DGKG: variants seen among roughly 807,000 people sequenced by gnomAD.
DGKG encodes diacylglycerol kinase gamma.
DGKG carries 78 observed loss-of-function variants against 105.3 expected under a neutral mutation model. That is an observed-to-expected ratio of 0.74 (90% CI 0.62 to 0.89). The LOEUF (loss-of-function observed/expected upper bound fraction) is 0.89, where lower values mean the gene tolerates loss of function less well. Among genes scored for constraint, DGKG ranks in the 40% least tolerant of loss-of-function variants. The pLI is 0.00. For missense variants in DGKG, 958 were observed against 1,020.1 expected (o/e 0.94, Z 0.83); for synonymous variants, 346 against 367.1 (o/e 0.94, Z 0.66).
chr3:186,178,685 C>A lies in DGKG; in HGVS notation c.2095+9517G>T, dbSNP rs146137841. Reference sequence around the variant, plus strand: ...GAGTGGGAGAGGGGAGGAGACACAGCTGGAGTCAGAGTCTTCTTCATTCAG... The same window carrying A: ...GAGTGGGAGAGGGGAGGAGACACAGATGGAGTCAGAGTCTTCTTCATTCAG... On this transcript the variant is annotated intron_variant, in intron 22 of 24. Coordinates refer to ENST00000265022, the MANE Select transcript of DGKG (RefSeq NM_001346.3). Among the ~76,000 whole-genome samples the A allele has an allele frequency of 3.6e-3, 552 of 152,336 alleles. 4 individuals carry two copies. The Middle Eastern group carries it at 0.068, about 19-fold the overall frequency.
chr3:186,226,124 A>G lies in DGKG; in HGVS notation c.1827-14239T>C, dbSNP rs1480361299. On this transcript the variant is annotated intron_variant, in intron 20 of 24. Transcript: ENST00000265022. This position sits in a 1 kb window ranked among gnomAD's most constrained non-coding sequence, Gnocchi z 4.2. ...TGAACTTGACTCTAACTACTAGAAA[A>G]GTAGCCTAAGCTCACATTTACCTTT... Among the ~76,000 whole-genome samples the G allele has an allele frequency of 6.6e-6, 1 of 152,216 alleles. No homozygotes were observed. Among genetic ancestry groups the G allele is most frequent in the Non-Finnish European group, 1.5e-5 (1 of 68,046 alleles).
At chr3:186,206,902 A>G (rs917455733) in intron 21 of DGKG, among the ~76,000 whole-genome samples, 3 of 152,118 alleles carry the variant, frequency 2.0e-5, no homozygotes, top group African/African-American at 7.2e-5. Context: ...GGCATGTGCC[A>G]CCACACCCAG....
rs142656619 is a variant in DGKG, at chr3:186,313,159, T to C, written c.68-6182A>G. Among the ~76,000 whole-genome samples the C allele has an allele frequency of 3.8e-3, 575 of 152,300 alleles. 3 individuals carry two copies. Among genetic ancestry groups the C allele is most frequent in the Non-Finnish European group, 6.7e-3 (454 of 68,026 alleles). ...CTTGCAGGGCTTTAAAAAATACTGA[T>C]GCCCAGGCCCCTTGCCTACAAACTG... is the stretch of plus-strand genomic sequence containing the variant. On this transcript the variant is annotated intron_variant, in intron 2 of 24. Transcript: ENST00000265022.
rs1721496142 is a variant in DGKG, at chr3:186,256,742, C to T, written c.1510+1112G>A. Among the ~76,000 whole-genome samples, 4 of 152,228 alleles carry T rather than the reference C, an allele frequency of 2.6e-5. No homozygotes were observed. The South Asian group carries it at 8.3e-4, about 32-fold the overall frequency. ...TGCTGGCCTGCCTCCAGCAGCCTGG[C>T]CTGCTCCCACTGCAGGGCCTTCGTC... On this transcript the variant is annotated intron_variant, in intron 17 of 24. Transcript: ENST00000265022.
At position 186,210,448 on chromosome 3, in the gene DGKG, C is replaced by T. The variant is rs1483508447; in HGVS notation, c.1917+1347G>A. 1.3e-5 allele frequency among the ~76,000 whole-genome samples: 2 copies of T among 152,256 alleles called. No homozygotes were observed. The highest frequency in any genetic ancestry group is 4.8e-5 in the African/African-American group (2 of 41,476). ...CCACCTGGGGACACACAACCTGGCG[C>T]CTGGCCTCTCTGCCCTCTTACCAAG... is the stretch of plus-strand genomic sequence containing the variant. On this transcript the variant is annotated intron_variant, in intron 21 of 24. Coordinates refer to ENST00000265022, the MANE Select transcript of DGKG (RefSeq NM_001346.3). This position sits in a 1 kb window ranked among gnomAD's most constrained non-coding sequence, Gnocchi z 5.2.
chr3:186,184,839 A>G (rs1474932433), intron 22 of DGKG, among the ~76,000 whole-genome samples: 1 of 152,150 alleles, frequency 6.6e-6, no homozygotes, highest in African/African-American at 2.4e-5. Flanking sequence ...AAGAATCGCA[A>G]CACATGAAGA....
At chr3:186,262,124 C>T (rs755743554) in intron 14 of DGKG, among the ~76,000 whole-genome samples, 4 of 152,108 alleles carry the variant, frequency 2.6e-5, no homozygotes, top group African/African-American at 4.8e-5. Context: ...AAAGCACGGC[C>T]GTCTGATCAT....
chr3:186,242,976 T>G (rs1720761071), intron 19 of DGKG, among the ~76,000 whole-genome samples: 1 of 152,142 alleles, frequency 6.6e-6, no homozygotes, highest in Admixed American at 6.5e-5. Context: ...ATACTAGTTC[T>G]TTTTAAAATA....
At chr3:186,334,921 G>C (rs920596652) in intron 1 of DGKG, among the ~76,000 whole-genome samples, 1 of 152,120 alleles carries the variant, frequency 6.6e-6, no homozygotes, top group Non-Finnish European at 1.5e-5. Context: ...TTTAAACATT[G>C]TCATTTGAAT....
intron 20 of DGKG, among the ~76,000 whole-genome samples, chr3:186,242,059 G>A (rs370599116): frequency 6.6e-6 from 1 of 152,068 alleles, no homozygotes; most frequent in Non-Finnish European, 1.5e-5. Context: ...TCCAAGTCCC[G>A]GAGCTGCCAC....
intron 21 of DGKG, among the ~76,000 whole-genome samples, chr3:186,195,573 T>C (rs879287285): frequency 2.6e-5 from 4 of 152,208 alleles, no homozygotes; most frequent in Non-Finnish European, 5.9e-5. Context: ...TGAATGTGCA[T>C]GCAGATCACT....
intron 20 of DGKG, among the ~76,000 whole-genome samples, chr3:186,236,503 C>G (rs1720426818): frequency 6.6e-6 from 1 of 152,136 alleles, no homozygotes; most frequent in Admixed American, 6.5e-5. Flanking sequence ...ATTAACTTGC[C>G]CAAGGTCACA....
intron 17 of DGKG, among the ~76,000 whole-genome samples, chr3:186,255,114 A>C (rs1299618014): frequency 6.6e-6 from 1 of 151,944 alleles, no homozygotes; most frequent in Non-Finnish European, 1.5e-5. Context: ...ATCTCTTTGT[A>C]CTCTCTTGTA....
At chr3:186,160,828 A>G in intron 24 of DGKG, 6 of 985,410 alleles carry the variant, frequency 6.1e-6, no homozygotes, top group Non-Finnish European at 7.2e-6. Flanking sequence ...AACTGAGGAC[A>G]AACTAAGAAG....
chr3:186,320,529 A>G lies in DGKG; in HGVS notation c.-70T>C. ...GTTCACTAGGCTGAAGTGGAGGCCC[A>G]GCCCAGGGCCTGGCTCATTGCAGGT... On this transcript the variant is annotated 5_prime_UTR_variant, in exon 2 of 25. Transcript: ENST00000265022. The G allele has an allele frequency of 6.2e-7, 1 of 1,612,902 alleles. No individual in the cohort carries two copies. The highest frequency in any genetic ancestry group is 1.1e-5 in the South Asian group (1 of 90,932).
intron 1 of DGKG, among the ~76,000 whole-genome samples, chr3:186,329,836 A>G (rs1375745480): frequency 6.6e-6 from 1 of 152,152 alleles, no homozygotes; most frequent in Admixed American, 6.6e-5. Flanking sequence ...CTCCAGTAGC[A>G]CTTTGGGTTT....
chr3:186,278,321 G>A (rs6779222), intron 9 of DGKG, among the ~76,000 whole-genome samples: 7,445 of 152,208 alleles, frequency 0.049, 578 homozygotes, highest in African/African-American at 0.17. Context: ...AATCTTAAGT[G>A]AGTAAAGTCA....
intron 7 of DGKG, among the ~76,000 whole-genome samples, chr3:186,283,533 T>C (rs1722923530): frequency 6.6e-6 from 1 of 152,100 alleles, no homozygotes; most frequent in African/African-American, 2.4e-5. Context: ...CTTCCAACAT[T>C]TCCTTTCCTT....
intron 1 of DGKG, among the ~76,000 whole-genome samples, chr3:186,355,304 C>CAT (rs1185843783): frequency 7.2e-6 from 1 of 138,652 alleles, no homozygotes. Flanking sequence ...CCATTATTGT[C>CAT]ACCCCCCACC....
Sources: gnomAD v4.1 joint callset for allele counts (sites outside exome capture counted in the v4.1 genomes callset) on GRCh38, gnomAD v4.1.1 for gene constraint, Gnocchi (gnomAD v3.1) non-coding constraint, MANE v1.5 for transcripts, NCBI Gene and HGNC (gene_info 2026-07-23, HGNC 2026-07-21) for gene names.